Variants in HDGFL3 observed in about 807,000 individuals in gnomAD.
The protein encoded by HDGFL3 is HDGF like 3.
HDGFL3 carries 6 observed loss-of-function variants against 27.6 expected under a neutral mutation model. That is an observed-to-expected ratio of 0.22 (90% CI 0.12 to 0.43). The LOEUF is 0.43. Among genes scored for constraint, HDGFL3 ranks in the 20% least tolerant of loss-of-function variants. HDGFL3 has a pLI of 1.00. For missense variants in HDGFL3, 207 were observed against 250.1 expected (o/e 0.83, Z 1.16); for synonymous variants, 88 against 88.9 (o/e 0.99, Z 0.05).
intron 1 of HDGFL3, among the ~76,000 whole-genome samples, chr15:83,185,645 A>C (rs12595330): frequency 1.3e-5 from 2 of 152,094 alleles, no homozygotes; most frequent in Non-Finnish European, 2.9e-5. Flanking sequence ...TGACCACTTC[A>C]AGAGAGATGC....
chr15:83,138,484 A>G lies in HDGFL3; in HGVS notation c.*786T>C, dbSNP rs2036700214. The G allele has an allele frequency of 1.3e-5, 2 of 152,586 alleles. No homozygotes were observed. Among genetic ancestry groups the G allele is most frequent in the Admixed American group, 1.3e-4 (2 of 15,286 alleles). The allele number at this position is 152,586 out of a possible 1,614,324, so 9.5% of individuals were successfully genotyped here. A position where few individuals can be genotyped will look rare whatever the true frequency, so the allele number is the denominator to read the frequency against. Reference sequence around the variant, plus strand: ...AGTTTATTTTAAAAGTCTACATTTAAAAGTCAATGCTTTGTCTGGTTTCCC... The same window carrying G: ...AGTTTATTTTAAAAGTCTACATTTAGAAGTCAATGCTTTGTCTGGTTTCCC... On this transcript the variant is annotated 3_prime_UTR_variant, in exon 6 of 6. Transcript: ENST00000299633.
intron 2 of HDGFL3, among the ~76,000 whole-genome samples, chr15:83,160,678 C>T (rs1459069967): frequency 6.6e-6 from 1 of 152,054 alleles, no homozygotes; most frequent in Admixed American, 6.6e-5. Context: ...AATGTGTAAG[C>T]TGGAGATGTA....
In HDGFL3 at chr15:83,132,204, C is replaced by A. The variant is rs183758242; in HGVS notation, c.*7066G>T. 42 of 152,312 alleles carry A rather than the reference C, an allele frequency of 2.8e-4. No homozygotes were observed. The East Asian group carries it at 8.1e-3, about 29-fold the overall frequency. 9.4% of individuals were successfully genotyped at this position (152,312 alleles called of 1,614,324 possible). A position where few individuals can be genotyped will look rare whatever the true frequency, so the allele number is the denominator to read the frequency against. ...TGTCTGGCACATAACAGCTATGTAA[C>A]CCTTTGTTGCTACTATTACTGGTAG... On this transcript the variant is annotated 3_prime_UTR_variant, in exon 6 of 6. Coordinates refer to ENST00000299633, the MANE Select transcript of HDGFL3 (RefSeq NM_016073.4).
At chr15:83,169,130 C>A in intron 1 of HDGFL3, 1 of 365,682 alleles carries the variant, frequency 2.7e-6, no homozygotes, top group Non-Finnish European at 5.4e-6. Context: ...AAATAAGAGC[C>A]ATATATGATA....
At chr15:83,146,956 C>T (rs59014914) in intron 5 of HDGFL3, among the ~76,000 whole-genome samples, 1,697 of 152,288 alleles carry the variant, frequency 0.011, 30 homozygotes, top group African/African-American at 0.039. Flanking sequence ...CAAGCTCTCA[C>T]CCCAAGTATC....
rs112709398 is a variant in HDGFL3 at position 83,115,585 on chromosome 15, C to T, written c.*124G>A. Reference sequence around the variant, plus strand: ...CTGCTAGAATCTTCTGTGACTGAGCCGGCAGTGACCATCATTCTCCACTCC... The same window carrying T: ...CTGCTAGAATCTTCTGTGACTGAGCTGGCAGTGACCATCATTCTCCACTCC... On this transcript the variant is annotated 3_prime_UTR_variant, in exon 4 of 4. Transcript: ENST00000568294. The T allele has an allele frequency of 4.4e-4, 267 of 610,304 alleles. 1 individual carries two copies. The highest frequency in any genetic ancestry group is 3.9e-3 in the African/African-American group (217 of 55,364). 37.8% of individuals were successfully genotyped at this position (610,304 alleles called of 1,614,324 possible).
downstream of HDGFL3, among the ~76,000 whole-genome samples, chr15:83,124,482 A>G (rs1440670742): frequency 3.3e-5 from 5 of 152,194 alleles, no homozygotes; most frequent in Non-Finnish European, 7.3e-5. Flanking sequence ...CAAATTCTTC[A>G]TTTCACAGAT....
chr15:83,175,147 T>C (rs2037293275), intron 1 of HDGFL3, among the ~76,000 whole-genome samples: 1 of 152,216 alleles, frequency 6.6e-6, no homozygotes, highest in Non-Finnish European at 1.5e-5. Flanking sequence ...TCACACTCTC[T>C]ACCATTCTCT....
Position 83,149,755 on chromosome 15 carries a change from A to G in HDGFL3, c.606+1460T>C, listed in dbSNP as rs535799987. ...ATTCTTTTTACGAAGTTAGAGATGA[A>G]GGGAAAAGTGAAAAGGGTAAAATAT... On this transcript the variant is annotated intron_variant, in intron 5 of 5. Coordinates refer to ENST00000299633, the MANE Select transcript of HDGFL3 (RefSeq NM_016073.4). 5.1e-4 allele frequency among the ~76,000 whole-genome samples: 77 copies of G among 152,272 alleles called. 1 individual carries two copies. The South Asian group carries it at 0.015, about 30-fold the overall frequency.
At chr15:83,116,436 A>T (rs937256016) in intron 3 of HDGFL3, among the ~76,000 whole-genome samples, 1 of 152,166 alleles carries the variant, frequency 6.6e-6, no homozygotes, top group Non-Finnish European at 1.5e-5. Context: ...TTCTTATTTT[A>T]TGGTGGGCTG....
rs186711673 is a variant in HDGFL3 at position 83,158,102 on chromosome 15, A to G, written c.162-61T>C. The stretch of plus-strand genomic sequence containing the variant: ...GACCTTCAAAGGTAAGATATTTTAA[A>G]TATCAGTATCAGTGAAGATGTCAGA... On this transcript the variant is annotated intron_variant, in intron 2 of 5. Transcript: ENST00000299633. The G allele has an allele frequency of 3.1e-5, 44 of 1,408,016 alleles. 1 individual carries two copies. In the South Asian group the frequency reaches 3.1e-4, roughly 10 times the overall value. 87.2% of individuals were successfully genotyped at this position (1,408,016 alleles called of 1,614,324 possible).
intron 4 of HDGFL3, among the ~76,000 whole-genome samples, chr15:83,157,169 A>C (rs2037041319): frequency 6.6e-6 from 1 of 152,202 alleles, no homozygotes; most frequent in Non-Finnish European, 1.5e-5. Context: ...ACTAAAGAAC[A>C]GTCAGTCCTC....
At position 83,134,730 on chromosome 15, in the gene HDGFL3, A is replaced by G. The variant is rs576992121; in HGVS notation, c.*4540T>C. 1 of 152,266 alleles carries G rather than the reference A, an allele frequency of 6.6e-6. No homozygotes were observed. The highest frequency in any genetic ancestry group is 1.5e-5 in the Non-Finnish European group (1 of 68,050). 9.4% of individuals were successfully genotyped at this position (152,266 alleles called of 1,614,324 possible). A position where few individuals can be genotyped will look rare whatever the true frequency, so the allele number is the denominator to read the frequency against. On this transcript the variant is annotated 3_prime_UTR_variant, in exon 6 of 6. Transcript: ENST00000299633. The stretch of plus-strand genomic sequence containing the variant: ...GATTTTGTGATGTGTACAAGTATCT[A>G]TAAAGACAGAACCACCAAACCCAGA...
At chr15:83,163,406 G>A (rs1023113664) in intron 2 of HDGFL3, among the ~76,000 whole-genome samples, 3 of 152,086 alleles carry the variant, frequency 2.0e-5, no homozygotes, top group Admixed American at 6.5e-5. Context: ...AAGCAGCTCC[G>A]GTCCCTAGGG....
At chr15:83,152,979 G>A (rs1160733493) in intron 4 of HDGFL3, among the ~76,000 whole-genome samples, 3 of 148,724 alleles carry the variant, frequency 2.0e-5, no homozygotes, top group Non-Finnish European at 4.4e-5. Context: ...AACAGTCCTC[G>A]ATACGCAGTT....
chr15:83,191,195 C>G (rs1422297138), intron 1 of HDGFL3, among the ~76,000 whole-genome samples: 1 of 152,102 alleles, frequency 6.6e-6, no homozygotes, highest in Admixed American at 6.5e-5. Flanking sequence ...GTGTTGATAA[C>G]TGATAGGACA....
chr15:83,192,167 C>T lies in HDGFL3; in HGVS notation c.84+15164G>A, dbSNP rs1463015432. ...ATGTTGGCCAGGCTGGTCTCGAACT[C>T]CTGACCTCAGGTGATCCACCTGCCT... On this transcript the variant is annotated intron_variant, in intron 1 of 5. Coordinates refer to ENST00000299633, the MANE Select transcript of HDGFL3 (RefSeq NM_016073.4). 2.1e-5 allele frequency: 8 copies of T among 377,724 alleles called. No individual in the cohort carries two copies. In the East Asian group the frequency reaches 7.6e-4, roughly 36 times the overall value. 23.4% of individuals were successfully genotyped at this position (377,724 alleles called of 1,614,324 possible).
intron 1 of HDGFL3, among the ~76,000 whole-genome samples, chr15:83,193,835 C>T (rs563502448): frequency 6.6e-6 from 1 of 152,204 alleles, no homozygotes; most frequent in East Asian, 1.9e-4. Context: ...TGAACTGCTA[C>T]TCTGGGTACA....
chr15:83,183,911 T>C (rs189730792), intron 1 of HDGFL3, among the ~76,000 whole-genome samples: 2 of 152,318 alleles, frequency 1.3e-5, no homozygotes, highest in South Asian at 2.1e-4. Context: ...GACTCTTAGC[T>C]GGCCCTCCTC....
Sources: allele counts gnomAD v4.1 joint callset (sites outside exome capture counted in the v4.1 genomes callset), GRCh38; gene constraint gnomAD v4.1.1; transcripts MANE v1.5; gene names NCBI Gene and HGNC (gene_info 2026-07-23, HGNC 2026-07-21).